Variants in NBAS observed in about 807,000 individuals in gnomAD.
NBAS encodes the protein NAG/BC035112 fusion.
Under a neutral mutation model 302.5 loss-of-function variants are expected in NBAS, and 219 were observed. That is an observed-to-expected ratio of 0.72 (90% confidence interval 0.65 to 0.81). The LOEUF is 0.81. Ranked by LOEUF, NBAS falls within the 30% of genes least tolerant of loss-of-function variation. NBAS has a pLI of 0.00. For synonymous variants in NBAS, 1,118 were observed against 1,021.6 expected (o/e 1.09, Z -1.80); for missense variants, 2,932 against 2,841.6 (o/e 1.03, Z -0.72).
the NBAS span, among the ~76,000 whole-genome samples, chr2:14,932,638 T>G: frequency 6.6e-6 from 1 of 152,228 alleles, no homozygotes; most frequent in Admixed American, 6.5e-5. Context: ...GGGCATCAAC[T>G]AGTTCCTGTG....
chr2:15,284,349 T>C (rs1669949952), intron 42 of NBAS, among the ~76,000 whole-genome samples: 1 of 152,132 alleles, frequency 6.6e-6, no homozygotes. Context: ...AGGAGGAAAA[T>C]GAGCTTCAGA....
chr2:14,967,905 G>A, the NBAS span, among the ~76,000 whole-genome samples: 19 of 152,216 alleles, frequency 1.2e-4, no homozygotes, highest in African/African-American at 4.3e-4. Context: ...CCCCACATCT[G>A]GGCAAACTGA....
the NBAS span, among the ~76,000 whole-genome samples, chr2:15,083,637 T>A: frequency 6.6e-6 from 1 of 152,348 alleles, no homozygotes; most frequent in East Asian, 1.9e-4. Context: ...CAACATAATA[T>A]ACAGAATCAT....
intron 41 of NBAS, among the ~76,000 whole-genome samples, chr2:15,290,427 C>A (rs1670256337): frequency 6.6e-6 from 1 of 152,190 alleles, no homozygotes; most frequent in South Asian, 2.1e-4. Flanking sequence ...GAACATACTT[C>A]AAATAGCATA....
the NBAS span, among the ~76,000 whole-genome samples, chr2:15,063,573 A>C: frequency 6.6e-6 from 1 of 152,164 alleles, no homozygotes; most frequent in Non-Finnish European, 1.5e-5. Context: ...AACCCCCAGC[A>C]TACCTCAGAA....
intron 35 of NBAS, among the ~76,000 whole-genome samples, chr2:15,343,881 A>G (rs1672967134): frequency 6.6e-6 from 1 of 151,614 alleles, no homozygotes; most frequent in Non-Finnish European, 1.5e-5. Context: ...AACATTAAAC[A>G]TTTTTTGTAC....
chr2:15,011,305 A>G, the NBAS span, among the ~76,000 whole-genome samples: 2 of 152,162 alleles, frequency 1.3e-5, no homozygotes, highest in African/African-American at 4.8e-5. Flanking sequence ...CTGGTAACAA[A>G]TGCCAGTCAC....
the NBAS span, among the ~76,000 whole-genome samples, chr2:15,119,560 C>T: frequency 0.14 from 20,673 of 152,004 alleles, 2,676 homozygotes; most frequent in African/African-American, 0.33. Flanking sequence ...AAGATGGTCT[C>T]GATCTCCTGA....
At chr2:14,863,091 C>T in the NBAS span, among the ~76,000 whole-genome samples, 1 of 152,226 alleles carries the variant, frequency 6.6e-6, no homozygotes, top group Non-Finnish European at 1.5e-5. Context: ...TCTGTAGACA[C>T]AATGTCTTCT....
At chr2:15,383,932 T>C (rs2148384987) in intron 28 of NBAS, among the ~76,000 whole-genome samples, 5 of 152,260 alleles carry the variant, frequency 3.3e-5, no homozygotes, top group Middle Eastern at 6.8e-3. Context: ...ACCGCCCCAG[T>C]ACAAGAAGCC....
the NBAS span, among the ~76,000 whole-genome samples, chr2:15,113,764 C>CT: frequency 9.4e-4 from 142 of 151,682 alleles, no homozygotes; most frequent in African/African-American, 2.7e-3. Context: ...TTGCTCTGCT[C>CT]TTTTTTTTTA....
the NBAS span, among the ~76,000 whole-genome samples, chr2:14,792,868 A>C: frequency 6.6e-6 from 1 of 152,216 alleles, no homozygotes; most frequent in East Asian, 1.9e-4. Context: ...GTTTTAAAGT[A>C]GTGCTATGGA....
chr2:15,556,775 A>G lies in NBAS; in HGVS notation c.209+8T>C. The G allele has an allele frequency of 3.1e-6, 5 of 1,606,138 alleles. No homozygotes were observed. The highest frequency in any genetic ancestry group is 4.3e-6 in the Non-Finnish European group (5 of 1,172,944). ...TCATACTGTTTCTCTGAAGAACCGA[A>G]GACTCACCTGTACCAGATGTATTGG... is the stretch of plus-strand genomic sequence containing the variant. On this transcript the variant is annotated splice_region_variant and intron_variant, in intron 3 of 51. Transcript: ENST00000281513.
At chr2:15,533,036 C>T (rs1031026021) in intron 9 of NBAS, among the ~76,000 whole-genome samples, 4 of 152,034 alleles carry the variant, frequency 2.6e-5, no homozygotes, top group Non-Finnish European at 5.9e-5. Flanking sequence ...TCATCAGTAA[C>T]CAGGGAAGTA....
At chr2:14,877,658 TC>T in the NBAS span, among the ~76,000 whole-genome samples, 1 of 151,976 alleles carries the variant, frequency 6.6e-6, no homozygotes, top group Non-Finnish European at 1.5e-5. Flanking sequence ...ATGCATTCGC[TC>T]AAATATCATC....
chr2:15,484,350 A>G (rs951312852), intron 12 of NBAS, among the ~76,000 whole-genome samples: 5 of 152,198 alleles, frequency 3.3e-5, no homozygotes, highest in African/African-American at 9.6e-5. Flanking sequence ...TAACCTATGA[A>G]GTCAGGAGAC....
the NBAS span, among the ~76,000 whole-genome samples, chr2:14,789,138 TG>T: frequency 6.6e-6 from 1 of 152,198 alleles, no homozygotes. Context: ...CTCTGAGCCA[TG>T]TGCGGGATAT....
chr2:15,134,056 TTCTCTCTCTCTC>T, the NBAS span, among the ~76,000 whole-genome samples: 31 of 145,782 alleles, frequency 2.1e-4, no homozygotes, highest in Middle Eastern at 3.4e-3. Flanking sequence ...GAACATTTCT[TTCTCTCTCTCTC>T]TCTCTCTCTC....
chr2:15,072,597 G>T, the NBAS span, among the ~76,000 whole-genome samples: 1 of 151,984 alleles, frequency 6.6e-6, no homozygotes, highest in African/African-American at 2.4e-5. Context: ...TTTAACCTCG[G>T]TTTTGTGTTT....
Sources: gnomAD v4.1 joint callset for allele counts (sites outside exome capture counted in the v4.1 genomes callset) on GRCh38, gnomAD v4.1.1 for gene constraint, MANE v1.5 for transcripts, NCBI Gene and HGNC (gene_info 2026-07-23, HGNC 2026-07-21) for gene names.